The following POT1 variants were observed in gnomAD, a reference collection of about 807,000 sequenced individuals.
POT1 encodes protection of telomeres 1.
POT1 carries 47 observed loss-of-function variants against 78.5 expected under a neutral mutation model. That is an observed-to-expected ratio of 0.60 (90% CI 0.47 to 0.76). The LOEUF is 0.76. Ranked by LOEUF, POT1 falls within the 30% of genes least tolerant of loss-of-function variation. The pLI is 0.00. For missense variants in POT1, 646 were observed against 749.9 expected, an observed-to-expected ratio of 0.86 and a Z score of 1.62; for synonymous variants, 259 against 260.7, an observed-to-expected ratio of 0.99 and a Z score of 0.06.
chr7:124,896,768 T>C (rs551149466), intron 5 of POT1, among the ~76,000 whole-genome samples: 9 of 151,860 alleles, frequency 5.9e-5, no homozygotes, highest in African/African-American at 2.2e-4. Context: ...CTTAAAATTA[T>C]ATAATTTGTT....
At chr7:124,927,552 C>T (rs1053191752) in intron 2 of POT1, among the ~76,000 whole-genome samples, 1 of 152,148 alleles carries the variant, frequency 6.6e-6, no homozygotes, top group Non-Finnish European at 1.5e-5. Flanking sequence ...GTATCAAAGA[C>T]TCCTGAGTTT....
At chr7:124,907,094 G>GA in intron 3 of POT1, among the ~76,000 whole-genome samples, 1 of 152,076 alleles carries the variant, frequency 6.6e-6, no homozygotes, top group Middle Eastern at 3.4e-3. Flanking sequence ...CCAGCCTGGA[G>GA]AAAAAAATAC....
chr7:124,873,436 C>T (rs1213786612), intron 6 of POT1, among the ~76,000 whole-genome samples: 1 of 152,140 alleles, frequency 6.6e-6, no homozygotes, highest in East Asian at 1.9e-4. Context: ...CCCTTGAATA[C>T]CTGGAATAAA....
intron 3 of POT1, among the ~76,000 whole-genome samples, chr7:124,904,645 G>T (rs984040364): frequency 2.5e-5 from 2 of 79,728 alleles, no homozygotes; most frequent in African/African-American, 9.6e-5. Context: ...GTTCTGGCCA[G>T]GGCAATCAGG....
intron 12 of POT1, among the ~76,000 whole-genome samples, chr7:124,844,099 G>A (rs1261878029): frequency 3.3e-5 from 5 of 149,730 alleles, no homozygotes; most frequent in Middle Eastern, 3.5e-3. Context: ...TATTACAGTG[G>A]AACATTTTGT....
chr7:124,874,647 A>T (rs553024730), intron 6 of POT1, among the ~76,000 whole-genome samples: 117 of 152,008 alleles, frequency 7.7e-4, no homozygotes, highest in Middle Eastern at 6.8e-3. Context: ...AGGCAGGAGA[A>T]TCGCTTGAGC....
chr7:124,882,782 G>A (rs550879154), intron 6 of POT1, among the ~76,000 whole-genome samples: 9 of 152,100 alleles, frequency 5.9e-5, no homozygotes, highest in Non-Finnish European at 1.3e-4. Flanking sequence ...CTCTAAATTA[G>A]TATGCTAATA....
chr7:124,838,683 G>A (rs1248794907), intron 14 of POT1, among the ~76,000 whole-genome samples: 7 of 151,700 alleles, frequency 4.6e-5, no homozygotes, highest in Admixed American at 3.3e-4. Flanking sequence ...TCGGCTCACC[G>A]CAACCTCCGC....
intron 14 of POT1, chr7:124,840,643 C>A: frequency 6.1e-6 from 1 of 163,144 alleles, no homozygotes; most frequent in Non-Finnish European, 1.3e-5. Flanking sequence ...GCCAAGAAAA[C>A]AGCAATGGTA....
At chr7:124,866,112 T>C (rs1482538718) in intron 7 of POT1, among the ~76,000 whole-genome samples, 3 of 152,186 alleles carry the variant, frequency 2.0e-5, no homozygotes, top group Non-Finnish European at 4.4e-5. Flanking sequence ...AACTCATGAA[T>C]GCTTGTTTTT....
Position 124,842,874 on chromosome 7 carries a change from AT to A in POT1, c.1095del (p.Lys365AsnfsTer2). On this transcript the variant is annotated frameshift_variant, in exon 13 of 19. Coordinates refer to ENST00000357628, the MANE Select transcript of POT1 (RefSeq NM_015450.3). LOFTEE classifies it high-confidence loss of function. ...KAPQQYRIRA[K>X]LRSYKPRRLF... ...AGTCTTCTGGGCTTATATGACCTCA[AT>A]TTTGCTCGGATGCGGTATTGTTGAG... 1.2e-6 allele frequency: 2 copies of A among 1,611,368 alleles called. No individual in the cohort carries two copies. The highest frequency in any genetic ancestry group is 1.7e-6 in the Non-Finnish European group (2 of 1,179,112).
chr7:124,905,032 T>C lies in POT1; in HGVS notation c.-153-6658A>G, dbSNP rs1472160455. On this transcript the variant is annotated intron_variant, in intron 3 of 18. Coordinates refer to ENST00000357628, the MANE Select transcript of POT1 (RefSeq NM_015450.3). ...TAGAAGAACATTCCACGCTCATGGA[T>C]AGAAAAGAATCAGTATCATGAAAAT... 3.9e-5 allele frequency among the ~76,000 whole-genome samples: 6 copies of C among 152,146 alleles called. No homozygotes were observed. The East Asian group carries it at 7.7e-4, about 20-fold the overall frequency.
Position 124,852,984 on chromosome 7 carries a change from T to C in POT1, c.857A>G (p.Asp286Gly). The C allele has an allele frequency of 6.2e-7, 1 of 1,611,706 alleles. No individual in the cohort carries two copies. The highest frequency in any genetic ancestry group is 8.5e-7 in the Non-Finnish European group (1 of 1,179,054). The change falls in exon 10 of 19, where the codon GAT becomes GGT. Residue 286 changes from aspartate to glycine, a missense_variant. By Grantham distance (94) the Asp-to-Gly change is moderately conservative. Around this residue, in one of 2 missense-constraint regions of POT1, gnomAD observed 394 missense variants for 408.4 expected, o/e 0.96. Transcript: ENST00000357628. ...ACTAAAAGCTTACTTTTTCAGTTGA[T>C]CCACATCAGAGTTACTTTCTGGCAA... ...RVLPESNSDV[D>G]QLKKDLESAN...
chr7:124,835,573 C>T (rs570837394), intron 14 of POT1, among the ~76,000 whole-genome samples, 159 bp from the exon 15 acceptor site: 2 of 152,090 alleles, frequency 1.3e-5, no homozygotes, highest in South Asian at 4.1e-4. Context: ...ATGTACAATC[C>T]TATACATTGA....
chr7:124,838,271 AC>A lies in POT1; in HGVS notation c.1369+2701del, dbSNP rs539354709. The stretch of plus-strand genomic sequence containing the variant: ...CTGTCTTTGTTTACAGGAAATCACA[AC>A]AAAAAAATTCCTGAAATAACAAGCA... On this transcript the variant is annotated intron_variant, in intron 14 of 18. Coordinates refer to ENST00000357628, the MANE Select transcript of POT1 (RefSeq NM_015450.3). 3.9e-5 allele frequency among the ~76,000 whole-genome samples: 6 copies of A among 152,312 alleles called. No homozygotes were observed. In the South Asian group the frequency reaches 1.2e-3, roughly 32 times the overall value.
At chr7:124,918,444 C>T (rs1797070404) in intron 2 of POT1, among the ~76,000 whole-genome samples, 1 of 152,188 alleles carries the variant, frequency 6.6e-6, no homozygotes, top group Non-Finnish European at 1.5e-5. Flanking sequence ...ACCAAATAAA[C>T]AGTGTGACTT....
At chr7:124,882,704 A>AG (rs999861343) in intron 6 of POT1, among the ~76,000 whole-genome samples, 4 of 151,672 alleles carry the variant, frequency 2.6e-5, no homozygotes, top group African/African-American at 9.7e-5. Flanking sequence ...AGAATTAAAA[A>AG]AACAGTACTA....
chr7:124,898,071 A>G (rs1184619860), intron 4 of POT1, among the ~76,000 whole-genome samples, 190 bp downstream of exon 4: 1 of 151,952 alleles, frequency 6.6e-6, no homozygotes, highest in Non-Finnish European at 1.5e-5. Flanking sequence ...GGAATTCCCT[A>G]TTCTATCTTG....
intron 13 of POT1, among the ~76,000 whole-genome samples, chr7:124,841,403 A>G (rs1421163489): frequency 6.6e-6 from 1 of 151,970 alleles, no homozygotes; most frequent in African/African-American, 2.4e-5. Flanking sequence ...TCCAAATCAT[A>G]TTTACATTAA....
Sources: gnomAD v4.1 joint callset for allele counts (sites outside exome capture counted in the v4.1 genomes callset) on GRCh38, gnomAD v4.1.1 for gene constraint, gnomAD v4.1.1 regional missense constraint, MANE v1.5 for transcripts, NCBI Gene and HGNC (gene_info 2026-07-23, HGNC 2026-07-21) for gene names.